Variants in PRKX observed in about 807,000 individuals in gnomAD.
PRKX encodes the protein protein kinase cAMP-dependent X-linked catalytic subunit, also known as cAMP-dependent protein kinase catalytic subunit PRKX.
Under a neutral mutation model 22.0 loss-of-function variants are expected in PRKX, and 12 were observed. That is an observed-to-expected ratio of 0.54 (90% CI 0.35 to 0.88). The LOEUF (loss-of-function observed/expected upper bound fraction) is 0.88. PRKX is among the 40% of genes least tolerant of loss of function. The probability of loss-of-function intolerance (pLI) is 0.01; values close to 1 mark genes in which losing one functional copy is unlikely to be tolerated. For missense variants in PRKX, 217 were observed against 308.0 expected, an observed-to-expected ratio of 0.70 and a Z score of 2.21; for synonymous variants, 134 against 137.7, an observed-to-expected ratio of 0.97 and a Z score of 0.19.
At chrX:3,647,810 C>T (rs1389057063) in intron 3 of PRKX, among the ~76,000 whole-genome samples, 1 of 109,259 alleles carries the variant, frequency 9.2e-6, no homozygotes, top group Admixed American at 1.0e-4. Context: ...CCCTCCCTAC[C>T]GTCCACTGCT....
At chrX:3,692,347 G>A (rs1928348166) in intron 1 of PRKX, among the ~76,000 whole-genome samples, 2 of 109,890 alleles carry the variant, frequency 1.8e-5, no homozygotes, top group African/African-American at 6.6e-5. Context: ...ACACTGTCAA[G>A]TGCCCTGTGG....
intron 6 of PRKX, among the ~76,000 whole-genome samples, chrX:3,616,145 G>A (rs755225525): frequency 4.5e-5 from 5 of 111,099 alleles, no homozygotes; most frequent in African/African-American, 1.6e-4. Flanking sequence ...TTTGCATTCC[G>A]GACCAAAGAC....
In PRKX at chrX:3,653,480, C is replaced by T. The variant is rs757748839; in HGVS notation, c.599+1669G>A. 8.4e-5 allele frequency among the ~76,000 whole-genome samples: 9 copies of T among 107,043 alleles called. No homozygotes were observed. In the South Asian group the frequency reaches 2.0e-3, roughly 24 times the overall value. 93.0% of individuals were successfully genotyped at this position (107,043 alleles called of 115,157 possible). On this transcript the variant is annotated intron_variant, in intron 3 of 8. Transcript: ENST00000262848. ...TGGTTTGTTTCATGTGTTGATGGGC[C>T]GTGGGGTGCCCAGATGTTTGTTCAA...
At chrX:3,666,322 AT>A (rs1927729254) in intron 2 of PRKX, among the ~76,000 whole-genome samples, 1 of 108,803 alleles carries the variant, frequency 9.2e-6, no homozygotes, top group Non-Finnish European at 1.9e-5. Flanking sequence ...CGCCCAGCTA[AT>A]TTTTTTGTAT....
chrX:3,636,521 G>T, intron 4 of PRKX, among the ~76,000 whole-genome samples: 1 of 113,008 alleles, frequency 8.8e-6, no homozygotes, highest in African/African-American at 3.2e-5. Context: ...GAGGGCTGTG[G>T]GAGCAGGTGA....
At chrX:3,633,281 G>A (rs753443968) in intron 4 of PRKX, among the ~76,000 whole-genome samples, 1 of 104,965 alleles carries the variant, frequency 9.5e-6, no homozygotes, top group African/African-American at 3.4e-5. Context: ...CAAAAAAAAC[G>A]CTCATGCAGT....
chrX:3,677,202 G>C (rs1927977167), intron 1 of PRKX, among the ~76,000 whole-genome samples: 1 of 110,862 alleles, frequency 9.0e-6, no homozygotes, highest in Admixed American at 9.7e-5. Flanking sequence ...CATACACCTA[G>C]TTCATATAGT....
chrX:3,705,048 C>A (rs1169498625), intron 1 of PRKX, among the ~76,000 whole-genome samples: 1 of 111,876 alleles, frequency 8.9e-6, no homozygotes, highest in South Asian at 3.7e-4. Flanking sequence ...TTTCCATGGA[C>A]CCTGCCGCGT....
chrX:3,698,747 C>T (rs909761050), intron 1 of PRKX, among the ~76,000 whole-genome samples: 2 of 108,855 alleles, frequency 1.8e-5, no homozygotes, highest in Non-Finnish European at 3.8e-5. Flanking sequence ...CGCCACCACA[C>T]ACCCGGCTAA....
At position 3,607,912 on chromosome X, in the gene PRKX, ACT is replaced by A. The variant is rs1282191091; in HGVS notation, c.*1055_*1056del. On this transcript the variant is annotated 3_prime_UTR_variant, in exon 9 of 9. Transcript: ENST00000262848. ...TTTTTTTTTTTTTGGACAGGGTCTC[ACT>A]CTGTCACCCAGGCTGGAATGCAGTG... 1 of 77,354 alleles carries A rather than the reference ACT, an allele frequency of 1.3e-5. No individual in the cohort carries two copies. Among genetic ancestry groups the A allele is most frequent in the Non-Finnish European group, 2.4e-5 (1 of 42,490 alleles). 6.4% of individuals were successfully genotyped at this position (77,354 alleles called of 1,213,427 possible). A position where few individuals can be genotyped will look rare whatever the true frequency, so the allele number is the denominator to read the frequency against.
At position 3,645,481 on chromosome X, in the gene PRKX, CAAGTT is replaced by C. The variant is rs1927168500; in HGVS notation, c.600-3515_600-3511del. Among the ~76,000 whole-genome samples the C allele has an allele frequency of 4.5e-5, 5 of 112,103 alleles. 1 individual carries two copies. In the South Asian group the frequency reaches 1.9e-3, roughly 42 times the overall value. ...CAAACACGATCTTTGTAGCTGCAAT[CAAGTT>C]AAGATGAGATCATCCTGGCTTAGGA... On this transcript the variant is annotated intron_variant, in intron 3 of 8. Coordinates refer to ENST00000262848, the MANE Select transcript of PRKX (RefSeq NM_005044.5).
chrX:3,606,378 TTTTTTA>T lies in PRKX; in HGVS notation c.*2585_*2590del, dbSNP rs1023336420. 1.8e-5 allele frequency: 2 copies of T among 112,168 alleles called. No homozygotes were observed. The highest frequency in any genetic ancestry group is 3.8e-5 in the Non-Finnish European group (2 of 53,241). 9.2% of individuals were successfully genotyped at this position (112,168 alleles called of 1,213,427 possible). ...CCCACCCGGGTCAGCTATTTGTATT[TTTTTTA>T]TTTTTATGTTTTGAGACGGAGTCTT... On this transcript the variant is annotated 3_prime_UTR_variant, in exon 9 of 9. Coordinates refer to ENST00000262848, the MANE Select transcript of PRKX (RefSeq NM_005044.5).
At chrX:3,689,701 G>A (rs1270635243) in intron 1 of PRKX, among the ~76,000 whole-genome samples, 12 of 111,347 alleles carry the variant, frequency 1.1e-4, no homozygotes, top group Non-Finnish European at 2.3e-4. Flanking sequence ...GAATGGGCTG[G>A]GCGCGGTGGC....
At chrX:3,617,382 C>G (rs1442104554) in intron 6 of PRKX, among the ~76,000 whole-genome samples, 1 of 109,676 alleles carries the variant, frequency 9.1e-6, no homozygotes, top group African/African-American at 3.3e-5. Flanking sequence ...CAGTGGCTCA[C>G]GTTTATATTC....
At chrX:3,662,993 G>A (rs1472564892) in intron 2 of PRKX, among the ~76,000 whole-genome samples, 3 of 63,083 alleles carry the variant, frequency 4.8e-5, no homozygotes, top group African/African-American at 1.7e-4. Flanking sequence ...GAAAGGCCCT[G>A]TCTTTAAAAA....
intron 2 of PRKX, among the ~76,000 whole-genome samples, chrX:3,667,096 G>A (rs1927750508): frequency 9.0e-6 from 1 of 111,006 alleles, no homozygotes; most frequent in Non-Finnish European, 1.9e-5. Flanking sequence ...TGAGACAAGG[G>A]AGGTTTCCAA....
In PRKX at chrX:3,606,717, A is replaced by G; in HGVS notation, c.*2252T>C. On this transcript the variant is annotated 3_prime_UTR_variant, in exon 9 of 9. Coordinates refer to ENST00000262848, the MANE Select transcript of PRKX (RefSeq NM_005044.5). ...ATTATACAGTGATTGCTCCATGTTTATAGCTCATTTTGATTAAATTAACCT... is the reference window on the plus strand; with the variant it reads ...ATTATACAGTGATTGCTCCATGTTTGTAGCTCATTTTGATTAAATTAACCT... The G allele has an allele frequency of 8.9e-6, 1 of 112,058 alleles. No individual in the cohort carries two copies. The highest frequency in any genetic ancestry group is 1.9e-5 in the Non-Finnish European group (1 of 53,244). The allele number at this position is 112,058 out of a possible 1,213,427, so 9.2% of individuals were successfully genotyped here. A position where few individuals can be genotyped will look rare whatever the true frequency, so the allele number is the denominator to read the frequency against.
At chrX:3,651,090 G>A (rs1428012410) in intron 3 of PRKX, among the ~76,000 whole-genome samples, 4 of 105,450 alleles carry the variant, frequency 3.8e-5, no homozygotes, top group Non-Finnish European at 5.8e-5. Flanking sequence ...GAGATGCTTC[G>A]TTACAATGAT....
chrX:3,686,619 G>A (rs1342886705), intron 1 of PRKX, among the ~76,000 whole-genome samples: 2 of 108,679 alleles, frequency 1.8e-5, no homozygotes, highest in South Asian at 4.1e-4. Context: ...GTTCAGTGGC[G>A]CGATCTCAGC....
Sources: allele counts gnomAD v4.1 joint callset (sites outside exome capture counted in the v4.1 genomes callset), GRCh38; gene constraint gnomAD v4.1.1; transcripts MANE v1.5; gene names NCBI Gene and HGNC (gene_info 2026-07-23, HGNC 2026-07-21).